The following FAM3B variants were observed in gnomAD, a reference collection of about 807,000 sequenced individuals.
The protein encoded by FAM3B is FAM3 metabolism regulating signaling molecule B.
A neutral mutation model predicts 28.4 loss-of-function variants in FAM3B; 29 were observed. That is an observed-to-expected ratio of 1.02 (90% confidence interval 0.76 to 1.39). The LOEUF (loss-of-function observed/expected upper bound fraction) is 1.39. Ranked by LOEUF, FAM3B falls within the 40% of genes most tolerant of loss-of-function variation. The probability of loss-of-function intolerance (pLI) is 0.00; values close to 1 mark genes in which losing one functional copy is unlikely to be tolerated. For missense variants in FAM3B, 266 were observed against 293.9 expected, an observed-to-expected ratio of 0.91 and a Z score of 0.69; for synonymous variants, 91 against 103.0, an observed-to-expected ratio of 0.88 and a Z score of 0.71.
chr21:41,321,977 CCTT>C (rs962117177), intron 1 of FAM3B, among the ~76,000 whole-genome samples: 3 of 152,164 alleles, frequency 2.0e-5, no homozygotes, highest in African/African-American at 7.2e-5. Flanking sequence ...CTCCTTCCCT[CCTT>C]CTCTTACTTC....
chr21:41,345,313 C>T (rs2089046428), intron 4 of FAM3B, among the ~76,000 whole-genome samples: 1 of 133,012 alleles, frequency 7.5e-6, no homozygotes, highest in Admixed American at 7.5e-5. Flanking sequence ...TCTGGTGTTT[C>T]TGTGGGATGA....
At chr21:41,304,623 G>T (rs2088672521) in intron 1 of FAM3B, among the ~76,000 whole-genome samples, 1 of 152,208 alleles carries the variant, frequency 6.6e-6, no homozygotes, top group Non-Finnish European at 1.5e-5. Flanking sequence ...CTCCTGGCTT[G>T]CCCCGGCCTG....
At chr21:41,329,957 C>T (rs548721117) in intron 2 of FAM3B, among the ~76,000 whole-genome samples, 3 of 151,886 alleles carry the variant, frequency 2.0e-5, no homozygotes, top group Non-Finnish European at 4.4e-5. Flanking sequence ...CTAAGAACTC[C>T]AGTAAATACA....
chr21:41,351,962 G>A (rs1193247754), intron 7 of FAM3B, among the ~76,000 whole-genome samples: 2 of 152,156 alleles, frequency 1.3e-5, no homozygotes, highest in African/African-American at 2.4e-5. Context: ...ATAGGCCTGC[G>A]CCTCTTCTGC....
At chr21:41,322,727 T>G (rs1322884314) in intron 1 of FAM3B, 196 bp from the exon 2 acceptor site, 1 of 755,430 alleles carries the variant, frequency 1.3e-6, no homozygotes, top group South Asian at 1.5e-5. Context: ...GTCTTGTTTG[T>G]ATTCTCTGAT....
At position 41,338,371 on chromosome 21, in the gene FAM3B, A is replaced by T. The variant is rs759592121; in HGVS notation, c.164-7A>T. On this transcript the variant is annotated splice_region_variant and splice_polypyrimidine_tract_variant and intron_variant, in intron 2 of 7. Transcript: ENST00000357985. Reference sequence around the variant, plus strand: ...TTAATGGCTATATACTTTCTTATTCATTACAGCTCCAGTCCCCAAAAGGCA... The same window carrying T: ...TTAATGGCTATATACTTTCTTATTCTTTACAGCTCCAGTCCCCAAAAGGCA... The T allele has an allele frequency of 6.2e-7, 1 of 1,613,966 alleles. No homozygotes were observed. Among genetic ancestry groups the T allele is most frequent in the Non-Finnish European group, 8.5e-7 (1 of 1,179,936 alleles).
In FAM3B at chr21:41,323,165, G is replaced by A. The variant is rs191437845; in HGVS notation, c.163+99G>A. Reference sequence around the variant, plus strand: ...CAGCTGGAGGCTGGGGGGCCCTGACGGCTTTATATCAGGAAGGAGGAGGAG... The same window carrying A: ...CAGCTGGAGGCTGGGGGGCCCTGACAGCTTTATATCAGGAAGGAGGAGGAG... On this transcript the variant is annotated intron_variant, in intron 2 of 7. Transcript: ENST00000357985. 741 of 1,498,624 alleles carry A rather than the reference G, an allele frequency of 4.9e-4. 2 individuals are homozygous for A. The highest frequency in any genetic ancestry group is 1.7e-3 in the Middle Eastern group (7 of 4,110). 92.8% of individuals were successfully genotyped at this position (1,498,624 alleles called of 1,614,324 possible).
chr21:41,322,022 T>G (rs949897497), intron 1 of FAM3B, among the ~76,000 whole-genome samples: 1 of 152,138 alleles, frequency 6.6e-6, no homozygotes, highest in Non-Finnish European at 1.5e-5. Context: ...CATATTTAAA[T>G]GCACTGGGCA....
At chr21:41,353,466 A>G (rs1396995312) in intron 7 of FAM3B, among the ~76,000 whole-genome samples, 1 of 152,244 alleles carries the variant, frequency 6.6e-6, no homozygotes, top group Non-Finnish European at 1.5e-5. Context: ...CATACAGAGA[A>G]ATGAAATAGA....
chr21:41,327,596 A>T (rs892435742), intron 2 of FAM3B, among the ~76,000 whole-genome samples: 1 of 152,208 alleles, frequency 6.6e-6, no homozygotes, highest in Non-Finnish European at 1.5e-5. Flanking sequence ...ACATGTTGTT[A>T]AATGTCTGCA....
At chr21:41,324,385 A>C (rs1054104421) in intron 2 of FAM3B, among the ~76,000 whole-genome samples, 2 of 152,224 alleles carry the variant, frequency 1.3e-5, no homozygotes, top group African/African-American at 4.8e-5. Flanking sequence ...GGCTGTGGTT[A>C]CACAAGGGCG....
Position 41,335,392 on chromosome 21 carries a change from C to T in FAM3B, c.164-2986C>T, listed in dbSNP as rs147499533. Among the ~76,000 whole-genome samples the T allele has an allele frequency of 2.4e-3, 363 of 152,302 alleles. 1 individual carries two copies. The highest frequency in any genetic ancestry group is 4.0e-3 in the Non-Finnish European group (275 of 68,036). ...GGCATGGTGGGAGGTGTTTGGATCA[C>T]GGGAGTGGATTCCTCACGAGTGGTT... On this transcript the variant is annotated intron_variant, in intron 2 of 7. Coordinates refer to ENST00000357985, the MANE Select transcript of FAM3B (RefSeq NM_058186.4).
intron 1 of FAM3B, 145 bp downstream of exon 1, chr21:41,317,043 C>T (rs1568910391): frequency 1.4e-6 from 1 of 735,990 alleles, no homozygotes; most frequent in Non-Finnish European, 1.9e-6. Context: ...GGTCTTAGAC[C>T]TGGGATCAGG....
intron 3 of FAM3B, among the ~76,000 whole-genome samples, chr21:41,341,648 G>C (rs928482484): frequency 1.3e-5 from 2 of 152,170 alleles, no homozygotes; most frequent in Non-Finnish European, 2.9e-5. Flanking sequence ...TATCCTTCAC[G>C]TTGGATGTAG....
intron 7 of FAM3B, among the ~76,000 whole-genome samples, chr21:41,351,548 G>A (rs1265468219): frequency 6.6e-6 from 1 of 152,202 alleles, no homozygotes; most frequent in East Asian, 1.9e-4. Flanking sequence ...GACCTTGAGA[G>A]AAGTGCCACT....
intron 2 of FAM3B, among the ~76,000 whole-genome samples, chr21:41,330,618 C>T (rs2088897211): frequency 6.6e-6 from 1 of 152,158 alleles, no homozygotes; most frequent in Non-Finnish European, 1.5e-5. Flanking sequence ...TACCATTCTC[C>T]TCTCACCATC....
intron 5 of FAM3B, chr21:41,346,117 T>G (rs2089057635): frequency 4.9e-6 from 1 of 202,470 alleles, no homozygotes; most frequent in African/African-American, 2.4e-5. Context: ...TCACGATTAC[T>G]CCTGGTGACT....
intron 1 of FAM3B, among the ~76,000 whole-genome samples, chr21:41,308,535 CTTTT>C (rs562737882): frequency 3.1e-4 from 37 of 119,516 alleles, no homozygotes; most frequent in East Asian, 1.2e-3. Flanking sequence ...TTTTTCTTTT[CTTTT>C]TTTTTTTTTT....
chr21:41,356,052 C>T (rs2089164416), intron 7 of FAM3B, among the ~76,000 whole-genome samples: 1 of 146,680 alleles, frequency 6.8e-6, no homozygotes, highest in African/African-American at 2.6e-5. Context: ...CACACACACA[C>T]ACACACACAC....
Sources: allele counts gnomAD v4.1 joint callset (sites outside exome capture counted in the v4.1 genomes callset), GRCh38; gene constraint gnomAD v4.1.1; transcripts MANE v1.5; gene names NCBI Gene and HGNC (gene_info 2026-07-23, HGNC 2026-07-21).